HIRA: variants seen among roughly 807,000 people sequenced by gnomAD.
HIRA encodes the protein histone cell cycle regulator, also known as protein HIRA.
A neutral mutation model predicts 126.6 loss-of-function variants in HIRA; 13 were observed. The ratio of observed to expected loss-of-function variants is 0.10; its 90% CI spans 0.07 to 0.16. The LOEUF (loss-of-function observed/expected upper bound fraction) is 0.16, where lower values mean the gene tolerates loss of function less well. HIRA is among the 10% of genes least tolerant of loss of function. HIRA has a pLI of 1.00. For synonymous variants in HIRA, 511 were observed against 520.0 expected (o/e 0.98, Z 0.24); for missense variants, 834 against 1,314.4 (o/e 0.63, Z 5.65).
chr22:19,353,336 AG>A lies in HIRA; in HGVS notation c.2848+19del, dbSNP rs782100585. The stretch of plus-strand genomic sequence containing the variant: ...GAGGGGCAGAAGGAGAAGGCTGCTC[AG>A]GGCTGCCAGGAGCCTCACCTTCGTT... On this transcript the variant is annotated intron_variant, in intron 23 of 24. Transcript: ENST00000263208. The A allele has an allele frequency of 6.2e-7, 1 of 1,612,260 alleles. No individual in the cohort carries two copies. Among genetic ancestry groups the A allele is most frequent in the Admixed American group, 1.7e-5 (1 of 60,028 alleles).
chr22:19,388,417 A>C, intron 10 of HIRA, 67 bp downstream of exon 10: 1 of 1,255,170 alleles, frequency 8.0e-7, no homozygotes, highest in Non-Finnish European at 1.2e-6. Flanking sequence ...CACACCCAGA[A>C]GGCCTCATGT....
intron 24 of HIRA, among the ~76,000 whole-genome samples, chr22:19,347,117 G>A (rs1019338077): frequency 7.9e-5 from 12 of 152,198 alleles, no homozygotes; most frequent in Non-Finnish European, 2.9e-5. Context: ...GGGACTCACT[G>A]GGCAGGTTTC....
intron 1 of HIRA, among the ~76,000 whole-genome samples, chr22:19,423,488 C>CAT (rs2089464593): frequency 1.0e-5 from 1 of 100,082 alleles, no homozygotes; most frequent in South Asian, 3.7e-4. Context: ...TGCATACACA[C>CAT]ACACACACAC....
chr22:19,336,548 CAT>C (rs1345454366), intron 24 of HIRA, among the ~76,000 whole-genome samples: 1 of 152,262 alleles, frequency 6.6e-6, no homozygotes, highest in African/African-American at 2.4e-5. Context: ...AGTGTGTCCA[CAT>C]GATGACTTCA....
At chr22:19,420,366 T>G (rs1601860267) in intron 1 of HIRA, among the ~76,000 whole-genome samples, 2 of 146,572 alleles carry the variant, frequency 1.4e-5, no homozygotes, top group South Asian at 4.3e-4. Flanking sequence ...CTCAGGAGGC[T>G]GAGGTGGGAG....
At chr22:19,349,104 T>C (rs2088725609) in intron 24 of HIRA, among the ~76,000 whole-genome samples, 1 of 150,866 alleles carries the variant, frequency 6.6e-6, no homozygotes, top group Non-Finnish European at 1.5e-5. Context: ...TTTTACTTTT[T>C]TTTAAATTTT....
intron 1 of HIRA, among the ~76,000 whole-genome samples, chr22:19,423,059 A>C (rs2146258218): frequency 6.6e-6 from 1 of 151,364 alleles, no homozygotes; most frequent in Middle Eastern, 3.4e-3. Context: ...TGCTTCCTTC[A>C]CTCCTTCAAT....
chr22:19,418,807 A>G (rs1054328863), intron 1 of HIRA, among the ~76,000 whole-genome samples: 2 of 152,120 alleles, frequency 1.3e-5, no homozygotes, highest in Non-Finnish European at 2.9e-5. Context: ...GCATATGTCA[A>G]TGTCAACTAT....
chr22:19,374,676 CA>C (rs1488133752), intron 15 of HIRA, among the ~76,000 whole-genome samples: 4 of 152,144 alleles, frequency 2.6e-5, no homozygotes, highest in African/African-American at 9.7e-5. Context: ...GCTTTAGCTC[CA>C]AATCACCATC....
chr22:19,398,350 T>C (rs2089240242), intron 5 of HIRA, among the ~76,000 whole-genome samples: 1 of 152,238 alleles, frequency 6.6e-6, no homozygotes, highest in Non-Finnish European at 1.5e-5. Context: ...CACCCATGCA[T>C]GAGAGCCTGC....
chr22:19,390,021 G>C (rs971268269), intron 9 of HIRA, among the ~76,000 whole-genome samples: 1 of 151,598 alleles, frequency 6.6e-6, no homozygotes, highest in Non-Finnish European at 1.5e-5. Flanking sequence ...TAATGTGTGT[G>C]CACTTTGCTT....
chr22:19,421,970 C>T (rs1601861788), intron 1 of HIRA, among the ~76,000 whole-genome samples: 1 of 152,178 alleles, frequency 6.6e-6, no homozygotes, highest in Middle Eastern at 3.4e-3. Context: ...CCATGCCCGG[C>T]CTGTTCTATC....
chr22:19,356,398 C>G, intron 19 of HIRA, 110 bp from the exon 20 acceptor site: 1 of 882,940 alleles, frequency 1.1e-6, no homozygotes, highest in Non-Finnish European at 1.9e-6. Context: ...TAACCCTGGC[C>G]TCTCCTAGTG....
chr22:19,425,035 G>A (rs1601864617), intron 1 of HIRA, among the ~76,000 whole-genome samples: 1 of 152,072 alleles, frequency 6.6e-6, no homozygotes, highest in Non-Finnish European at 1.5e-5. Context: ...CCCAGCAGAC[G>A]TCCCCTCCTA....
chr22:19,390,111 C>G (rs1205910731), intron 9 of HIRA, among the ~76,000 whole-genome samples: 1 of 152,142 alleles, frequency 6.6e-6, no homozygotes, highest in Admixed American at 6.5e-5. Flanking sequence ...GTGTCTCTTA[C>G]CACACAGTCA....
At chr22:19,353,118 C>T (rs1006526504) in intron 23 of HIRA, among the ~76,000 whole-genome samples, 13 of 152,340 alleles carry the variant, frequency 8.5e-5, no homozygotes, top group Admixed American at 1.3e-4. Context: ...TCTATTCCTC[C>T]GTCCTGCTGC....
chr22:19,418,581 G>A (rs1484993013), intron 1 of HIRA, among the ~76,000 whole-genome samples: 3 of 78,800 alleles, frequency 3.8e-5, no homozygotes, highest in African/African-American at 1.7e-4. Context: ...GCAGTGAGCC[G>A]AGATCGCGCC....
At chr22:19,426,135 T>C (rs183107764) in intron 1 of HIRA, among the ~76,000 whole-genome samples, 10 of 152,296 alleles carry the variant, frequency 6.6e-5, no homozygotes, top group Admixed American at 2.0e-4. Flanking sequence ...TTAGTGCCTC[T>C]CTATTTCTCA....
intron 15 of HIRA, 110 bp downstream of exon 15, chr22:19,375,521 G>T: frequency 1.7e-6 from 2 of 1,172,186 alleles, no homozygotes; most frequent in Non-Finnish European, 2.4e-6. Context: ...AGTGGCTAGA[G>T]TCTTTTCCCC....
Sources: gnomAD v4.1 joint callset for allele counts (sites outside exome capture counted in the v4.1 genomes callset) on GRCh38, gnomAD v4.1.1 for gene constraint, MANE v1.5 for transcripts, NCBI Gene and HGNC (gene_info 2026-07-23, HGNC 2026-07-21) for gene names.